The following FBXW4 variants were observed in gnomAD, a reference collection of about 807,000 sequenced individuals.
The protein encoded by FBXW4 is F-box and WD repeat domain containing 4.
A neutral mutation model predicts 61.8 loss-of-function variants in FBXW4; 40 were observed. That is an observed-to-expected ratio of 0.65 (90% CI 0.50 to 0.84). The LOEUF (loss-of-function observed/expected upper bound fraction) is 0.84. Ranked by LOEUF, FBXW4 falls within the 40% of genes least tolerant of loss-of-function variation. FBXW4 has a pLI of 0.00. For synonymous variants in FBXW4, 311 were observed against 313.8 expected, an observed-to-expected ratio of 0.99 and a Z score of 0.10; for missense variants, 672 against 753.8, an observed-to-expected ratio of 0.89 and a Z score of 1.27.
At chr10:101,693,630 T>C (rs370436773) in intron 1 of FBXW4, among the ~76,000 whole-genome samples, 1 of 152,224 alleles carries the variant, frequency 6.6e-6, no homozygotes, top group Admixed American at 6.5e-5. Context: ...ATGGGTGGAA[T>C]AGGGGGCAAT....
At chr10:101,663,429 TTTAGTA>T (rs1334052804) in intron 5 of FBXW4, among the ~76,000 whole-genome samples, 1 of 152,222 alleles carries the variant, frequency 6.6e-6, no homozygotes, top group Non-Finnish European at 1.5e-5. Flanking sequence ...TTCCTCATAC[TTTAGTA>T]TTTACTGTAT....
chr10:101,679,520 G>C (rs1462230454), intron 1 of FBXW4, among the ~76,000 whole-genome samples: 3 of 152,028 alleles, frequency 2.0e-5, no homozygotes, highest in Non-Finnish European at 4.4e-5. Context: ...TGTAAACTAA[G>C]GAAATAAATC....
intron 6 of FBXW4, among the ~76,000 whole-genome samples, chr10:101,614,874 CAG>C (rs983146619): frequency 6.6e-6 from 1 of 152,088 alleles, no homozygotes; most frequent in African/African-American, 2.4e-5. Flanking sequence ...GGAAAACAAA[CAG>C]AAATGGCACC....
intron 5 of FBXW4, among the ~76,000 whole-genome samples, chr10:101,650,007 G>A (rs921955203): frequency 6.6e-6 from 1 of 152,136 alleles, no homozygotes; most frequent in East Asian, 1.9e-4. Context: ...CCACACCCAG[G>A]CTGAGGCTCC....
intron 5 of FBXW4, among the ~76,000 whole-genome samples, chr10:101,635,389 A>T (rs933927958): frequency 6.6e-6 from 1 of 152,122 alleles, no homozygotes; most frequent in Non-Finnish European, 1.5e-5. Context: ...AATGTAATGC[A>T]CTTGAATCAT....
intron 6 of FBXW4, among the ~76,000 whole-genome samples, chr10:101,620,546 C>T (rs1190760568): frequency 6.6e-6 from 1 of 152,254 alleles, no homozygotes; most frequent in Non-Finnish European, 1.5e-5. Context: ...AACCCTGCCA[C>T]AAGCAGCAGA....
intron 5 of FBXW4, chr10:101,660,230 A>G: frequency 1.0e-6 from 1 of 985,092 alleles, no homozygotes. Flanking sequence ...TGTACCTCCA[A>G]AACTCCAGCT....
chr10:101,653,379 G>A (rs2064159975), intron 5 of FBXW4, among the ~76,000 whole-genome samples: 1 of 152,252 alleles, frequency 6.6e-6, no homozygotes, highest in South Asian at 2.1e-4. Flanking sequence ...TTTTCCTCAA[G>A]TTAAAGTCAA....
At position 101,612,435 on chromosome 10, in the gene FBXW4, C is replaced by T; in HGVS notation, c.1344G>A (p.Gly448=). 1 of 1,594,324 alleles carries T rather than the reference C, an allele frequency of 6.3e-7. No homozygotes were observed. The highest frequency in any genetic ancestry group is 8.5e-7 in the Non-Finnish European group (1 of 1,169,918). ...CATACATGACATCCAGCACCCCAGC[C>T]CCTGGGGGAAAGTCACTGCCCAAGT... ...MTHLGSDFPP[G]AGVLDVMYES... is the part of the protein sequence containing the mutation. Residue 448 remains glycine, a synonymous_variant, in exon 7 of 9, where the codon GGG becomes GGA. Coordinates refer to ENST00000331272, the MANE Select transcript of FBXW4 (RefSeq NM_022039.4).
chr10:101,690,049 C>T (rs1372337456), intron 1 of FBXW4, among the ~76,000 whole-genome samples: 7 of 152,184 alleles, frequency 4.6e-5, no homozygotes, highest in Non-Finnish European at 8.8e-5. Flanking sequence ...GCACTTAATT[C>T]GGGAGGAAGA....
In FBXW4 at chr10:101,642,140, TG is replaced by T. The variant is rs557021025; in HGVS notation, c.1236-17331del. On this transcript the variant is annotated intron_variant, in intron 5 of 8. Coordinates refer to ENST00000331272, the MANE Select transcript of FBXW4 (RefSeq NM_022039.4). ...GAGACTGTGCCATTGCACTCCAGCT[TG>T]GGCAACAGAGTGAGACTCTATCTCA... Among the ~76,000 whole-genome samples, 392 of 152,292 alleles carry T rather than the reference TG, an allele frequency of 2.6e-3. 2 individuals carry two copies. The highest frequency in any genetic ancestry group is 9.0e-3 in the African/African-American group (372 of 41,562).
intron 5 of FBXW4, among the ~76,000 whole-genome samples, chr10:101,648,254 G>GA (rs1335300287): frequency 6.6e-6 from 1 of 152,096 alleles, no homozygotes; most frequent in Non-Finnish European, 1.5e-5. Flanking sequence ...AGGTTGGGAG[G>GA]AAAAAAGCAA....
At chr10:101,654,374 A>G (rs987720301) in intron 5 of FBXW4, among the ~76,000 whole-genome samples, 1 of 152,116 alleles carries the variant, frequency 6.6e-6, no homozygotes, top group East Asian at 1.9e-4. Context: ...AAATGGGTAA[A>G]TTTTATGATA....
Position 101,611,431 on chromosome 10 carries a change from A to G in FBXW4, c.1585-21T>C. 1 of 1,610,288 alleles carries G rather than the reference A, an allele frequency of 6.2e-7. No homozygotes were observed. Among genetic ancestry groups the G allele is most frequent in the Non-Finnish European group, 8.5e-7 (1 of 1,178,154 alleles). ...AAGGCCTGGAAGGGAGGGCACAGGA[A>G]GTGGTAAGAGCTTTCCAAGTGGGAC... On this transcript the variant is annotated intron_variant, in intron 8 of 8. Transcript: ENST00000331272. The surrounding 1 kb of genome is among the most constrained non-coding windows in gnomAD (Gnocchi z 4.9).
intron 1 of FBXW4, among the ~76,000 whole-genome samples, chr10:101,683,474 C>T (rs2064500673): frequency 1.3e-5 from 2 of 152,166 alleles, no homozygotes; most frequent in African/African-American, 4.8e-5. Context: ...AAAAACAACA[C>T]AACATGCACC....
intron 1 of FBXW4, among the ~76,000 whole-genome samples, chr10:101,693,252 C>T (rs574143108): frequency 6.6e-6 from 1 of 152,254 alleles, no homozygotes; most frequent in South Asian, 2.1e-4. Flanking sequence ...TATAATGCCA[C>T]CTTGAGACTT....
rs11817043 is a variant in FBXW4, at chr10:101,637,608, T to G, written c.1236-12798A>C. Among the ~76,000 whole-genome samples the G allele has an allele frequency of 3.5e-3, 504 of 145,080 alleles. 6 individuals are homozygous for G. Among genetic ancestry groups the G allele is most frequent in the African/African-American group, 0.013 (491 of 38,698 alleles). The stretch of plus-strand genomic sequence containing the variant: ...CTGTAATCCCATCTACTTGGGAAGC[T>G]GAGGCATGAGAATTGTGGGAGGCAG... On this transcript the variant is annotated intron_variant, in intron 5 of 8. Coordinates refer to ENST00000331272, the MANE Select transcript of FBXW4 (RefSeq NM_022039.4).
intron 6 of FBXW4, among the ~76,000 whole-genome samples, chr10:101,620,693 C>T (rs1349481041): frequency 6.6e-6 from 1 of 152,140 alleles, no homozygotes; most frequent in Non-Finnish European, 1.5e-5. Context: ...GCCCAGGCTA[C>T]TCTCAAACTC....
In FBXW4 at chr10:101,624,754, T is replaced by C; in HGVS notation, c.1292A>G (p.Asp431Gly). 9 of 1,614,132 alleles carry C rather than the reference T, an allele frequency of 5.6e-6. No individual in the cohort carries two copies. The highest frequency in any genetic ancestry group is 7.6e-6 in the Non-Finnish European group (9 of 1,180,026). Residue 431 changes from aspartate to glycine, a missense_variant, in exon 6 of 9, where the codon GAC becomes GGC. Transcript: ENST00000331272. ...CTCATGAATCTCTTACCTGTTGAGG[T>C]CCCAGATTCTCAGGGGTGAGAAGTG... ...CGHFSPLRIW[D>G]LNSGQLMTHL...
Sources: gnomAD v4.1 joint callset for allele counts (sites outside exome capture counted in the v4.1 genomes callset) on GRCh38, gnomAD v4.1.1 for gene constraint, Gnocchi (gnomAD v3.1) non-coding constraint, MANE v1.5 for transcripts, NCBI Gene and HGNC (gene_info 2026-07-23, HGNC 2026-07-21) for gene names.